Variants in KLF13 observed in about 807,000 individuals in gnomAD.
The protein encoded by KLF13 is Krueppel-like factor 13.
Under a neutral mutation model 16.7 loss-of-function variants are expected in KLF13, and 8 were observed. The observed-to-expected ratio is 0.48, with a 90% CI of 0.28 to 0.87. The LOEUF (loss-of-function observed/expected upper bound fraction) is 0.87. KLF13 is among the 40% of genes least tolerant of loss of function. The probability of loss-of-function intolerance (pLI) is 0.10; values close to 1 mark genes in which losing one functional copy is unlikely to be tolerated. For missense variants in KLF13, 447 were observed against 452.2 expected (o/e 0.99, Z 0.10); for synonymous variants, 245 against 208.4 (o/e 1.18, Z -1.51).
At chr15:31,390,164 T>C (rs1236352750), upstream of KLF13, among the ~76,000 whole-genome samples, 1 of 152,122 alleles carries the variant, frequency 6.6e-6, no homozygotes, top group Non-Finnish European at 1.5e-5. Context: ...TCCTACCCCA[T>C]GGATCCGCAC....
At chr15:31,370,345 T>G (rs903131038) in intron 1 of KLF13, among the ~76,000 whole-genome samples, 1 of 152,094 alleles carries the variant, frequency 6.6e-6, no homozygotes, top group African/African-American at 2.4e-5. Flanking sequence ...TATATTTGCT[T>G]TGAGTATATT....
chr15:31,342,842 C>T (rs2039050448), intron 1 of KLF13, among the ~76,000 whole-genome samples: 1 of 152,224 alleles, frequency 6.6e-6, no homozygotes, highest in African/African-American at 2.4e-5. Flanking sequence ...CCCTTTCCTG[C>T]TTTATTTCCG....
intron 1 of KLF13, among the ~76,000 whole-genome samples, chr15:31,428,802 CAAA>C (rs1218921356): frequency 3.2e-5 from 2 of 61,888 alleles, no homozygotes; most frequent in African/African-American, 6.5e-5. Context: ...GACTCTATCT[CAAA>C]AAAAAAAAAA....
intron 1 of KLF13, among the ~76,000 whole-genome samples, chr15:31,328,094 C>T (rs1045940647): frequency 2.0e-5 from 3 of 149,116 alleles, no homozygotes; most frequent in Non-Finnish European, 4.5e-5. Context: ...GGGCGGGGAC[C>T]CCTCCCGGCC....
intron 1 of KLF13, among the ~76,000 whole-genome samples, chr15:31,412,666 TATC>T (rs2040208773): frequency 7.3e-6 from 1 of 137,760 alleles, no homozygotes; most frequent in Non-Finnish European, 1.5e-5. Context: ...AAGAAAAACT[TATC>T]ATGTTCCACA....
upstream of KLF13, among the ~76,000 whole-genome samples, chr15:31,392,586 G>C (rs2039887674): frequency 6.6e-6 from 1 of 152,346 alleles, no homozygotes; most frequent in East Asian, 1.9e-4. Flanking sequence ...GGGTGTCCAC[G>C]GGACTCGGCT....
At chr15:31,331,970 G>A (rs185704597) in intron 1 of KLF13, among the ~76,000 whole-genome samples, 1 of 152,222 alleles carries the variant, frequency 6.6e-6, no homozygotes, top group South Asian at 2.1e-4. Context: ...TTTCACAGCC[G>A]CATGGTATTC....
At chr15:31,330,547 A>G (rs912800724) in intron 1 of KLF13, among the ~76,000 whole-genome samples, 1 of 152,200 alleles carries the variant, frequency 6.6e-6, no homozygotes, top group African/African-American at 2.4e-5. Flanking sequence ...AGACCCTTTG[A>G]GAAGTGCAAG....
chr15:31,327,034 G>A lies in KLF13; in HGVS notation c.-179G>A. ...CGGTGCCCGGCCGGGCCGGCGCCTC[G>A]CAGACGCGGAGCCGCGCGGGTGACG... On this transcript the variant is annotated 5_prime_UTR_variant, in exon 1 of 2. Transcript: ENST00000307145. 1 of 401,410 alleles carries A rather than the reference G, an allele frequency of 2.5e-6. No individual in the cohort carries two copies. Among genetic ancestry groups the A allele is most frequent in the Admixed American group, 5.9e-5 (1 of 17,040 alleles). 24.9% of individuals were successfully genotyped at this position (401,410 alleles called of 1,614,324 possible). A position where few individuals can be genotyped will look rare whatever the true frequency, so the allele number is the denominator to read the frequency against.
upstream of KLF13, among the ~76,000 whole-genome samples, chr15:31,390,913 G>C (rs1333027731): frequency 1.3e-5 from 2 of 151,544 alleles, no homozygotes; most frequent in Admixed American, 6.6e-5. Flanking sequence ...CAGACCACAG[G>C]TCATGTCTGG....
At chr15:31,418,428 G>C (rs1406088348) in intron 1 of KLF13, among the ~76,000 whole-genome samples, 1 of 152,106 alleles carries the variant, frequency 6.6e-6, no homozygotes, top group African/African-American at 2.4e-5. Flanking sequence ...AAAAGGAATT[G>C]ACCAAACCAA....
At chr15:31,413,381 C>T (rs917481430) in intron 1 of KLF13, among the ~76,000 whole-genome samples, 2 of 152,020 alleles carry the variant, frequency 1.3e-5, no homozygotes, top group Non-Finnish European at 2.9e-5. Context: ...AAAGGTCAAT[C>T]AACTCCAAAC....
In KLF13 at chr15:31,327,094, C is replaced by T. The variant is rs1368388993; in HGVS notation, c.-119C>T. The T allele has an allele frequency of 1.1e-6, 1 of 927,030 alleles. No homozygotes were observed. The highest frequency in any genetic ancestry group is 1.4e-6 in the Non-Finnish European group (1 of 739,492). The allele number at this position is 927,030 out of a possible 1,614,324, so 57.4% of individuals were successfully genotyped here. ...GCTGCGCGCCCAGCCCAGCCCAGCC[C>T]AGCCCGAGGAGAGGGCGCGCCGCGC... On this transcript the variant is annotated 5_prime_UTR_variant, in exon 1 of 2. Coordinates refer to ENST00000307145, the MANE Select transcript of KLF13 (RefSeq NM_015995.4).
chr15:31,327,882 T>C, intron 1 of KLF13, 93 bp downstream of exon 1: 1 of 1,169,250 alleles, frequency 8.6e-7, no homozygotes. Context: ...GGGCGCGAGG[T>C]GGGGGCCGGG....
chr15:31,365,053 G>A (rs955322372), intron 1 of KLF13, among the ~76,000 whole-genome samples: 3 of 152,216 alleles, frequency 2.0e-5, no homozygotes, highest in Non-Finnish European at 2.9e-5. Flanking sequence ...TTCCTGGAGT[G>A]AAAAACATTG....
At chr15:31,378,658 C>G (rs1485333092), downstream of KLF13, among the ~76,000 whole-genome samples, 1 of 152,166 alleles carries the variant, frequency 6.6e-6, no homozygotes, top group East Asian at 1.9e-4. Flanking sequence ...AGGGGTAGAC[C>G]AGCGCTGCAT....
chr15:31,328,389 A>G (rs1281077099), intron 1 of KLF13, among the ~76,000 whole-genome samples: 3 of 151,706 alleles, frequency 2.0e-5, no homozygotes, highest in Non-Finnish European at 2.9e-5. Context: ...AACCAAAGTC[A>G]GCGGCGGCGC....
In KLF13 at chr15:31,372,122, C is replaced by G; in HGVS notation, c.690C>G (p.Pro230=). The G allele has an allele frequency of 6.2e-7, 1 of 1,613,140 alleles. No homozygotes were observed. Among genetic ancestry groups the G allele is most frequent in the Non-Finnish European group, 8.5e-7 (1 of 1,179,982 alleles). The change falls in exon 2 of 2, where the codon CCC becomes CCG. Residue 230 remains proline (P), a synonymous_variant. Transcript: ENST00000307145. The part of the protein sequence containing the change: ...THTGEKKFSC[P]ICEKRFMRSD... ...CGGGCGAGAAGAAGTTCAGCTGCCC[C>G]ATCTGCGAGAAGCGCTTCATGCGCA...
rs2039651835 is a variant in KLF13, at chr15:31,376,685, C to T, written c.*4386C>T. The T allele has an allele frequency of 6.6e-6, 1 of 152,610 alleles. No homozygotes were observed. 9.5% of individuals were successfully genotyped at this position (152,610 alleles called of 1,614,324 possible). ...TTACTACTGATACACGCCTGAGCAC[C>T]CTTTAGGGCGAGGCGCCGCCTCCTG... On this transcript the variant is annotated 3_prime_UTR_variant, in exon 2 of 2. Coordinates refer to ENST00000307145, the MANE Select transcript of KLF13 (RefSeq NM_015995.4).
Sources: gnomAD v4.1 joint callset for allele counts (sites outside exome capture counted in the v4.1 genomes callset) on GRCh38, gnomAD v4.1.1 for gene constraint, MANE v1.5 for transcripts, NCBI Gene and HGNC (gene_info 2026-07-23, HGNC 2026-07-21) for gene names.